CDK14: variants seen among roughly 807,000 people sequenced by gnomAD.
CDK14 encodes the protein cyclin-dependent kinase 14.
In CDK14, 34 loss-of-function variants were observed where a neutral mutation model predicts 60.7. That is an observed-to-expected ratio of 0.56 (90% CI 0.43 to 0.75). The LOEUF (loss-of-function observed/expected upper bound fraction) is 0.75, where lower values mean the gene tolerates loss of function less well. CDK14 is among the 30% of genes least tolerant of loss of function. The pLI, the probability that CDK14 is intolerant of heterozygous loss-of-function variation, is 0.00. For missense variants in CDK14, 482 were observed against 564.1 expected, an observed-to-expected ratio of 0.85 and a Z score of 1.47; for synonymous variants, 197 against 203.7, an observed-to-expected ratio of 0.97 and a Z score of 0.28.
intron 2 of CDK14, among the ~76,000 whole-genome samples, chr7:90,611,940 C>A (rs551176384): frequency 6.7e-6 from 1 of 148,318 alleles, no homozygotes; most frequent in South Asian, 2.1e-4. Context: ...TCAAGTGATT[C>A]TCCTGCCTCA....
intron 14 of CDK14, among the ~76,000 whole-genome samples, chr7:91,173,444 G>A (rs1285351146): frequency 6.6e-6 from 1 of 151,650 alleles, no homozygotes; most frequent in Non-Finnish European, 1.5e-5. Flanking sequence ...AAAAAAAGGT[G>A]GGGAGGAGCC....
intron 5 of CDK14, among the ~76,000 whole-genome samples, chr7:90,831,633 C>T (rs773603602): frequency 1.6e-4 from 24 of 152,124 alleles, no homozygotes; most frequent in Non-Finnish European, 2.9e-4. Flanking sequence ...CTTATCACCA[C>T]TTCCTTGGCT....
At chr7:90,821,526 G>A (rs1489311536) in intron 5 of CDK14, among the ~76,000 whole-genome samples, 1 of 152,140 alleles carries the variant, frequency 6.6e-6, no homozygotes, top group East Asian at 1.9e-4. Context: ...CTGGCTATGA[G>A]CAACTCACCC....
intron 8 of CDK14, among the ~76,000 whole-genome samples, chr7:90,928,656 G>A (rs1793496783): frequency 6.6e-6 from 1 of 152,196 alleles, no homozygotes; most frequent in South Asian, 2.1e-4. Context: ...TCCCAGTTAG[G>A]CTACTCGGGG....
intron 2 of CDK14, chr7:90,710,435 T>C (rs1273755568): frequency 4.1e-6 from 4 of 985,152 alleles, no homozygotes; most frequent in East Asian, 1.1e-4. Flanking sequence ...TTTAGCTGGA[T>C]TGGATCTGAG....
At chr7:90,952,471 G>A (rs1162964504) in intron 8 of CDK14, among the ~76,000 whole-genome samples, 5 of 152,142 alleles carry the variant, frequency 3.3e-5, no homozygotes, top group Non-Finnish European at 5.9e-5. Flanking sequence ...AGTAGGGCTT[G>A]AATAGCAGGA....
chr7:90,984,388 C>A lies in CDK14; in HGVS notation c.1041+147C>A. ...AACATATTTTGGACCTTTGAAAAAG[C>A]AGGAAATCAGTTAAGAATTATGTTT... On this transcript the variant is annotated intron_variant, in intron 10 of 14. Coordinates refer to ENST00000380050, the MANE Select transcript of CDK14 (RefSeq NM_001287135.2). The A allele has an allele frequency of 4.8e-6, 3 of 618,886 alleles. No individual in the cohort carries two copies. In the South Asian group the frequency reaches 5.7e-5, roughly 12 times the overall value. The allele number at this position is 618,886 out of a possible 1,614,324, so 38.3% of individuals were successfully genotyped here.
chr7:90,611,821 A>G (rs1799543240), intron 2 of CDK14, among the ~76,000 whole-genome samples: 2 of 147,100 alleles, frequency 1.4e-5, no homozygotes, highest in South Asian at 2.1e-4. Flanking sequence ...TCAAACAGTT[A>G]TCTTTGTGTG....
intron 10 of CDK14, among the ~76,000 whole-genome samples, chr7:91,013,868 T>C (rs1375106832): frequency 1.3e-5 from 2 of 151,974 alleles, no homozygotes; most frequent in Non-Finnish European, 2.9e-5. Context: ...AGAGAGCATT[T>C]TCAACCCTGC....
chr7:90,619,700 T>C (rs1400308983), intron 2 of CDK14, among the ~76,000 whole-genome samples: 3 of 152,094 alleles, frequency 2.0e-5, no homozygotes, highest in East Asian at 1.9e-4. Context: ...AAATTGATAC[T>C]GAAGGAAAAA....
Position 90,612,348 on chromosome 7 carries a change from G to A in CDK14, c.123+8099G>A, listed in dbSNP as rs190190300. On this transcript the variant is annotated intron_variant, in intron 2 of 14. Transcript: ENST00000380050. ...ATGCATCAAATGACGTTTGTTTTAT[G>A]TCAGGCTGGATATGGTCTCAGCCTG... Among the ~76,000 whole-genome samples, 14 of 152,152 alleles carry A rather than the reference G, an allele frequency of 9.2e-5. 1 individual carries two copies. In the East Asian group the frequency reaches 2.1e-3, roughly 23 times the overall value.
chr7:90,859,180 G>T (rs1247067423), intron 5 of CDK14, among the ~76,000 whole-genome samples: 1 of 152,158 alleles, frequency 6.6e-6, no homozygotes, highest in Non-Finnish European at 1.5e-5. Flanking sequence ...AGTTCCGGAG[G>T]GAACACCCTT....
At chr7:90,703,569 G>A (rs1018362368) in intron 2 of CDK14, among the ~76,000 whole-genome samples, 1 of 152,202 alleles carries the variant, frequency 6.6e-6, no homozygotes, top group Non-Finnish European at 1.5e-5. Context: ...CTGTTTTAAT[G>A]CAGACACAAG....
intron 4 of CDK14, among the ~76,000 whole-genome samples, chr7:90,787,548 A>C (rs1270680041): frequency 6.6e-6 from 1 of 152,162 alleles, no homozygotes; most frequent in East Asian, 1.9e-4. Context: ...ATGATGAGGA[A>C]AATGTTAGTA....
Position 90,984,075 on chromosome 7 carries a change from T to G in CDK14, c.948-73T>G, listed in dbSNP as rs1257573281. On this transcript the variant is annotated intron_variant, in intron 9 of 14. Transcript: ENST00000380050. ...CGCTTCTCTTCTGTAGGAGTGGATA[T>G]TCTAATTCCAGATTTAGTTTTCCTA... 3.2e-6 allele frequency: 3 copies of G among 949,908 alleles called. No individual in the cohort carries two copies. The East Asian group carries it at 7.2e-5, about 23-fold the overall frequency. 58.8% of individuals were successfully genotyped at this position (949,908 alleles called of 1,614,324 possible).
intron 2 of CDK14, among the ~76,000 whole-genome samples, chr7:90,690,929 C>T (rs1801539423): frequency 1.3e-5 from 2 of 152,050 alleles, no homozygotes. Context: ...TAAAGTAAAA[C>T]AGAATAAACA....
intron 14 of CDK14, among the ~76,000 whole-genome samples, chr7:91,154,610 G>T (rs935690668): frequency 6.6e-6 from 1 of 152,038 alleles, no homozygotes; most frequent in African/African-American, 2.4e-5. Flanking sequence ...CAGATGGCTG[G>T]GTTCAAATCC....
At chr7:90,796,808 C>T (rs528130376) in intron 5 of CDK14, among the ~76,000 whole-genome samples, 15 of 151,152 alleles carry the variant, frequency 9.9e-5, no homozygotes, top group African/African-American at 3.7e-4. Flanking sequence ...GTGCAGCTCA[C>T]AAGAGTTTAG....
intron 4 of CDK14, among the ~76,000 whole-genome samples, chr7:90,754,666 A>G (rs931264775): frequency 6.6e-6 from 1 of 152,234 alleles, no homozygotes; most frequent in Non-Finnish European, 1.5e-5. Flanking sequence ...AGCAAAATAA[A>G]CTATCAACAG....
Sources: allele counts gnomAD v4.1 joint callset (sites outside exome capture counted in the v4.1 genomes callset), GRCh38; gene constraint gnomAD v4.1.1; transcripts MANE v1.5; gene names NCBI Gene and HGNC (gene_info 2026-07-23, HGNC 2026-07-21).